The following DDB1 variants were observed in gnomAD, a reference collection of about 807,000 sequenced individuals.
DDB1 encodes DNA damage-binding protein 1.
Under a neutral mutation model 133.1 loss-of-function variants are expected in DDB1, and 18 were observed. That is an observed-to-expected ratio of 0.14 (90% CI 0.09 to 0.20). The LOEUF is 0.20. DDB1 is among the 10% of genes least tolerant of loss of function. The pLI is 1.00. For synonymous variants in DDB1, 580 were observed against 550.5 expected (o/e 1.05, Z -0.75); for missense variants, 828 against 1,459.2 (o/e 0.57, Z 7.05).
Position 61,330,295 on chromosome 11 carries a change from A to G in DDB1, c.211-221T>C, listed in dbSNP as rs748302905. 55 of 400,100 alleles carry G rather than the reference A, an allele frequency of 1.4e-4. 1 individual carries two copies. The highest frequency in any genetic ancestry group is 2.4e-4 in the Non-Finnish European group (53 of 224,100). The allele number at this position is 400,100 out of a possible 1,614,324, so 24.8% of individuals were successfully genotyped here. ...TGGTAAACATCTAGTTCTCACTTTC[A>G]TGATTCTCCATCTCTCTGTTCTACA... On this transcript the variant is annotated intron_variant, in intron 2 of 26. Coordinates refer to ENST00000301764, the MANE Select transcript of DDB1 (RefSeq NM_001923.5).
chr11:61,327,011 C>T, intron 4 of DDB1, 118 bp from the exon 5 acceptor site: 2 of 725,304 alleles, frequency 2.8e-6, no homozygotes, highest in Non-Finnish European at 4.9e-6. Context: ...CATGTCAGCC[C>T]TCCCACCCTT....
At chr11:61,308,653 C>T (rs947005204) in intron 21 of DDB1, among the ~76,000 whole-genome samples, 4 of 152,170 alleles carry the variant, frequency 2.6e-5, no homozygotes, top group African/African-American at 9.7e-5. Flanking sequence ...TTTCAAAGGA[C>T]TAGCTTTCAG....
At chr11:61,329,325 A>G (rs1856323649) in intron 4 of DDB1, 38 bp downstream of exon 4, 2 of 1,597,980 alleles carry the variant, frequency 1.3e-6, no homozygotes, top group African/African-American at 2.7e-5. Context: ...TATCACATCA[A>G]CCTCACAGTT....
chr11:61,314,283 C>T (rs1856028213), intron 13 of DDB1, 25 bp downstream of exon 13: 1 of 1,597,652 alleles, frequency 6.3e-7, no homozygotes, highest in African/African-American at 1.3e-5. Context: ...AGGAGGAAAG[C>T]GAGCAGACAG....
chr11:61,324,695 C>A (rs1005123677), intron 6 of DDB1, among the ~76,000 whole-genome samples: 7 of 152,046 alleles, frequency 4.6e-5, no homozygotes, highest in African/African-American at 1.4e-4. Flanking sequence ...AGATTTTGTT[C>A]TTTTTTCTCA....
rs551005012 is a variant in DDB1 at position 61,301,190 on chromosome 11, C to T, written c.3216-258G>A. 7.0e-4 allele frequency: 300 copies of T among 425,834 alleles called. 3 individuals carry two copies. The highest frequency in any genetic ancestry group is 5.9e-3 in the South Asian group (226 of 38,240). 26.4% of individuals were successfully genotyped at this position (425,834 alleles called of 1,614,324 possible). The stretch of plus-strand genomic sequence containing the variant: ...GATCAGAGTCTATTAATGTGAAGCC[C>T]GTATATGTATGGAAGTTCTTTAAAA... On this transcript the variant is annotated intron_variant, in intron 25 of 26. Transcript: ENST00000301764.
intron 10 of DDB1, among the ~76,000 whole-genome samples, chr11:61,317,392 G>A (rs1297610788): frequency 6.6e-6 from 1 of 152,080 alleles, no homozygotes; most frequent in Non-Finnish European, 1.5e-5. Flanking sequence ...GATTACAGGC[G>A]TGAGCCACCA....
At position 61,299,820 on chromosome 11, in the gene DDB1, C is replaced by T; in HGVS notation, c.*316G>A. 1 of 447,856 alleles carries T rather than the reference C, an allele frequency of 2.2e-6. No individual in the cohort carries two copies. The highest frequency in any genetic ancestry group is 2.1e-5 in the South Asian group (1 of 46,574). 27.7% of individuals were successfully genotyped at this position (447,856 alleles called of 1,614,324 possible). ...ATACACACACACACACGCACAGCTTCCTTTCAGCCAAAGAACTGCAAAATC... is the reference window on the plus strand; with the variant it reads ...ATACACACACACACACGCACAGCTTTCTTTCAGCCAAAGAACTGCAAAATC... On this transcript the variant is annotated 3_prime_UTR_variant, in exon 27 of 27. Coordinates refer to ENST00000301764, the MANE Select transcript of DDB1 (RefSeq NM_001923.5).
intron 16 of DDB1, 77 bp downstream of exon 16, chr11:61,313,422 T>C: frequency 3.0e-6 from 4 of 1,339,814 alleles, no homozygotes; most frequent in Non-Finnish European, 4.2e-6. Flanking sequence ...GAAAAAGGCT[T>C]TGAGGTAAGG....
In DDB1 at chr11:61,302,347, G is replaced by A. The variant is rs2134892114; in HGVS notation, c.3125C>T (p.Ser1042Leu). 1.2e-6 allele frequency: 2 copies of A among 1,614,172 alleles called. No homozygotes were observed. Among genetic ancestry groups the A allele is most frequent in the Non-Finnish European group, 1.7e-6 (2 of 1,179,990 alleles). The stretch of plus-strand genomic sequence containing the variant: ...GAGGTTGTACCAGCTCTCTGACAGT[G>A]AGGTCACCAGCCCTGAAGAAGTGAA... ...TVNGMIGLVTSLSESWYNLLL... is the reference protein window; with the variant it reads ...TVNGMIGLVTLLSESWYNLLL... Residue 1042 changes from serine to leucine, a missense_variant, in exon 25 of 27, where the codon TCA becomes TTA. Physicochemically the swap from Ser to Leu is moderately radical, Grantham distance 145. Coordinates refer to ENST00000301764, the MANE Select transcript of DDB1 (RefSeq NM_001923.5).
intron 16 of DDB1, among the ~76,000 whole-genome samples, chr11:61,312,857 C>G (rs2134910312): frequency 6.6e-6 from 1 of 152,164 alleles, no homozygotes; most frequent in African/African-American, 2.4e-5. Context: ...CCTCAGCCTC[C>G]CAAAGAGCTA....
At chr11:61,322,239 G>T in intron 9 of DDB1, 57 bp downstream of exon 9, 1 of 1,355,240 alleles carries the variant, frequency 7.4e-7, no homozygotes, top group Non-Finnish European at 1.1e-6. Context: ...AGCATAGCTA[G>T]GAGGACACAG....
intron 7 of DDB1, 190 bp downstream of exon 7, chr11:61,323,789 G>C: frequency 1.7e-6 from 1 of 599,778 alleles, no homozygotes; most frequent in East Asian, 2.8e-5. Flanking sequence ...TGCTTGGATA[G>C]ATTATCACAG....
Position 61,323,972 on chromosome 11 carries a change from G to A in DDB1, c.921+7C>T, listed in dbSNP as rs200532644. The stretch of plus-strand genomic sequence containing the variant: ...CATTGTAGAGGAACAGGGAGAACAA[G>A]CTCTACCTCTCCAAGGAGTTCTACA... On this transcript the variant is annotated splice_region_variant and intron_variant, in intron 7 of 26. Coordinates refer to ENST00000301764, the MANE Select transcript of DDB1 (RefSeq NM_001923.5). The A allele has an allele frequency of 1.9e-6, 3 of 1,612,970 alleles. No homozygotes were observed. The highest frequency in any genetic ancestry group is 2.5e-6 in the Non-Finnish European group (3 of 1,179,700).
rs1055508223 is a variant in DDB1 at position 61,299,984 on chromosome 11, C to G, written c.*152G>C. ...CTCATTCCCAAGTCTCTATGAAGCC[C>G]GCCCCACTTCCACATAGGGGAACTG... On this transcript the variant is annotated 3_prime_UTR_variant, in exon 27 of 27. Coordinates refer to ENST00000301764, the MANE Select transcript of DDB1 (RefSeq NM_001923.5). 1.5e-6 allele frequency: 1 copy of G among 686,216 alleles called. No individual in the cohort carries two copies. Among genetic ancestry groups the G allele is most frequent in the Non-Finnish European group, 2.5e-6 (1 of 394,730 alleles). 42.5% of individuals were successfully genotyped at this position (686,216 alleles called of 1,614,324 possible).
At chr11:61,323,595 T>C (rs971777900) in intron 7 of DDB1, 2 of 248,922 alleles carry the variant, frequency 8.0e-6, no homozygotes, top group Admixed American at 9.8e-5. Flanking sequence ...GTACTTTTTG[T>C]AGAGATGGGG....
intron 5 of DDB1, among the ~76,000 whole-genome samples, chr11:61,326,437 C>T (rs1331540367): frequency 2.0e-5 from 3 of 151,968 alleles, no homozygotes; most frequent in African/African-American, 7.3e-5. Context: ...ACTATAGATC[C>T]TGGCTTCCTT....
In DDB1 at chr11:61,316,942, GATAGATATATATATATATAT is replaced by G. The variant is rs1565034177; in HGVS notation, c.1226-395_1226-376del. Among the ~76,000 whole-genome samples, 118 of 27,056 alleles carry G rather than the reference GATAGATATATATATATATAT, an allele frequency of 4.4e-3. 6 individuals carry two copies. Among genetic ancestry groups the G allele is most frequent in the Non-Finnish European group, 7.3e-3 (90 of 12,280 alleles). 17.7% of individuals were successfully genotyped at this position (27,056 alleles called of 152,430 possible). A position where few individuals can be genotyped will look rare whatever the true frequency, so the allele number is the denominator to read the frequency against. The stretch of plus-strand genomic sequence containing the variant: ...CTCAAAAAAAAAAAAAAAAAAAAAG[GATAGATATATATATATATAT>G]ATATATATATATATATATATATATA... On this transcript the variant is annotated intron_variant, in intron 10 of 26. Coordinates refer to ENST00000301764, the MANE Select transcript of DDB1 (RefSeq NM_001923.5).
At chr11:61,304,718 CA>C (rs1017488360) in intron 21 of DDB1, among the ~76,000 whole-genome samples, 4 of 146,656 alleles carry the variant, frequency 2.7e-5, no homozygotes, top group Admixed American at 6.8e-5. Flanking sequence ...ACTAAAAATA[CA>C]AAAAAAAAAT....
Sources: gnomAD v4.1 joint callset for allele counts (sites outside exome capture counted in the v4.1 genomes callset) on GRCh38, gnomAD v4.1.1 for gene constraint, MANE v1.5 for transcripts, NCBI Gene and HGNC (gene_info 2026-07-23, HGNC 2026-07-21) for gene names.